The following AFM variants were observed in gnomAD, a reference collection of about 807,000 sequenced individuals.
The protein encoded by AFM is alpha-Alb.
Under a neutral mutation model 68.7 loss-of-function variants are expected in AFM, and 82 were observed. That is an observed-to-expected ratio of 1.19 (90% confidence interval 1.00 to 1.43). The LOEUF is 1.43. Ranked by LOEUF, AFM falls within the 40% of genes most tolerant of loss-of-function variation. AFM has a pLI of 0.00. For synonymous variants in AFM, 250 were observed against 234.2 expected, an observed-to-expected ratio of 1.07 and a Z score of -0.61; for missense variants, 772 against 701.8, an observed-to-expected ratio of 1.10 and a Z score of -1.13.
intron 3 of AFM, among the ~76,000 whole-genome samples, chr4:73,485,044 T>C (rs924609869): frequency 1.3e-5 from 2 of 152,228 alleles, no homozygotes; most frequent in Non-Finnish European, 2.9e-5. Flanking sequence ...GCAGTATGTA[T>C]ACAGTATGCC....
intron 7 of AFM, among the ~76,000 whole-genome samples, 190 bp downstream of exon 7, chr4:73,488,949 T>G (rs553130160): frequency 1.7e-4 from 26 of 152,330 alleles, no homozygotes; most frequent in African/African-American, 6.3e-4. Flanking sequence ...ATACTTGGAA[T>G]TTTTAAAGAT....
intron 6 of AFM, among the ~76,000 whole-genome samples, chr4:73,488,100 T>TA (rs1266272953): frequency 6.6e-6 from 1 of 152,152 alleles, no homozygotes; most frequent in African/African-American, 2.4e-5. Flanking sequence ...ACCAGGGTTA[T>TA]AAAACCCACA....
At chr4:73,484,535 T>C in intron 3 of AFM, 145 bp downstream of exon 3, 1 of 765,246 alleles carries the variant, frequency 1.3e-6, no homozygotes, top group East Asian at 3.3e-5. Context: ...CTTTCTTTCT[T>C]TCCTTCTTTT....
chr4:73,500,070 C>T lies in AFM; in HGVS notation c.1489C>T (p.His497Tyr). The change falls in exon 12 of 15, where the codon CAC becomes TAC. Residue 497 changes from histidine (H) to tyrosine (Y), a missense_variant. His to Tyr is a moderately conservative substitution (Grantham distance 83, BLOSUM62 2). Coordinates refer to ENST00000226355, the MANE Select transcript of AFM (RefSeq NM_001133.2). ...TCGAACTATCAACCCTGCTGTGGACCACTGCTGTAAAACAAACTTTGCCTT... is the reference window on the plus strand; with the variant it reads ...TCGAACTATCAACCCTGCTGTGGACTACTGCTGTAAAACAAACTTTGCCTT... ...ENRTINPAVD[H>Y]CCKTNFAFRR... 6.2e-7 allele frequency: 1 copy of T among 1,613,990 alleles called. No homozygotes were observed. Among genetic ancestry groups the T allele is most frequent in the Non-Finnish European group, 8.5e-7 (1 of 1,179,946 alleles).
chr4:73,499,746 T>A (rs570681146), intron 11 of AFM, among the ~76,000 whole-genome samples: 1 of 152,282 alleles, frequency 6.6e-6, no homozygotes, highest in South Asian at 2.1e-4. Context: ...CTGTTTGCAA[T>A]TGAAAGTTTG....
chr4:73,496,330 T>C (rs1260601731), intron 9 of AFM, among the ~76,000 whole-genome samples: 1 of 152,198 alleles, frequency 6.6e-6, no homozygotes, highest in Non-Finnish European at 1.5e-5. Context: ...TTTCCTACTG[T>C]GTGTTTGACA....
intron 2 of AFM, 84 bp from the exon 3 acceptor site, chr4:73,484,174 G>C (rs1577971462): frequency 1.3e-6 from 2 of 1,495,136 alleles, no homozygotes; most frequent in Admixed American, 2.4e-5. Context: ...CCTGAGGCTA[G>C]TCAGGATGTT....
At chr4:73,498,861 T>C (rs1721333517) in intron 10 of AFM, among the ~76,000 whole-genome samples, 1 of 152,230 alleles carries the variant, frequency 6.6e-6, no homozygotes, top group Admixed American at 6.5e-5. Context: ...TACTTAAAGA[T>C]AACACGGGGA....
rs116344887 is a variant in AFM at position 73,491,491 on chromosome 4, T to C, written c.844-381T>C. ...CAAGAGAAGACCAGGATTATAGATATTATAGTAACATGTCTTTGGTGGCCT... is the reference window on the plus strand; with the variant it reads ...CAAGAGAAGACCAGGATTATAGATACTATAGTAACATGTCTTTGGTGGCCT... On this transcript the variant is annotated intron_variant, in intron 7 of 14. Transcript: ENST00000226355. Among the ~76,000 whole-genome samples the C allele has an allele frequency of 2.6e-3, 400 of 152,330 alleles. 2 individuals carry two copies. Among genetic ancestry groups the C allele is most frequent in the African/African-American group, 9.4e-3 (392 of 41,580 alleles).
At chr4:73,487,842 C>T (rs776832606) in intron 6 of AFM, 21 bp downstream of exon 6, 3 of 1,439,166 alleles carry the variant, frequency 2.1e-6, no homozygotes, top group Non-Finnish European at 2.9e-6. Context: ...TACTATATGT[C>T]TTGTCTCTGC....
intron 8 of AFM, among the ~76,000 whole-genome samples, chr4:73,494,471 C>T (rs1410280876): frequency 6.6e-6 from 1 of 151,974 alleles, no homozygotes; most frequent in Non-Finnish European, 1.5e-5. Context: ...GAAAAGAGTT[C>T]GCTTGGTAAA....
chr4:73,501,890 G>A lies in AFM; in HGVS notation c.1750G>A (p.Glu584Lys). 6.2e-7 allele frequency: 1 copy of A among 1,613,476 alleles called. No homozygotes were observed. ...TGTAGTGGATAAGTGCTGCAAAGCA[G>A]AGAGTCCTGAAGTCTGCTTTAATGA... is the stretch of plus-strand genomic sequence containing the variant. ...ANVVDKCCKA[E>K]SPEVCFNEES... Residue 584 changes from glutamate (E) to lysine (K), a missense_variant, in exon 13 of 15, where the codon GAG (glutamate) becomes AAG (lysine). By Grantham distance (56) the Glu-to-Lys change is moderately conservative (BLOSUM62 1). Transcript: ENST00000226355.
Position 73,503,952 on chromosome 4 carries a change from C to T in AFM, c.*117C>T, listed in dbSNP as rs1407489142. 6.6e-6 allele frequency: 1 copy of T among 152,044 alleles called. No individual in the cohort carries two copies. Among genetic ancestry groups the T allele is most frequent in the Non-Finnish European group, 1.5e-5 (1 of 68,012 alleles). 9.4% of individuals were successfully genotyped at this position (152,044 alleles called of 1,614,324 possible). ...AAAAGGATTTTTCTGTAACTGTCAC[C>T]TGAAATAATACATTGCAGCAAGCAA... On this transcript the variant is annotated 3_prime_UTR_variant, in exon 15 of 15. Coordinates refer to ENST00000226355, the MANE Select transcript of AFM (RefSeq NM_001133.2).
chr4:73,501,688 G>A, intron 12 of AFM, 99 bp from the exon 13 acceptor site: 2 of 1,353,472 alleles, frequency 1.5e-6, no homozygotes, highest in Non-Finnish European at 2.0e-6. Flanking sequence ...CCACACCCAA[G>A]CTGAGACTCA....
Position 73,496,483 on chromosome 4 carries a change from A to C in AFM, c.1191+1051A>C, listed in dbSNP as rs563830550. Among the ~76,000 whole-genome samples the C allele has an allele frequency of 2.6e-5, 4 of 152,276 alleles. No homozygotes were observed. The South Asian group carries it at 6.2e-4, about 24-fold the overall frequency. On this transcript the variant is annotated intron_variant, in intron 9 of 14. Transcript: ENST00000226355. ...AAAATTATTGGATCAAAATATATGA[A>C]CTTTAAAAAACATTTAACACAAATT... is the stretch of plus-strand genomic sequence containing the variant.
chr4:73,499,268 G>T, intron 11 of AFM, 22 bp downstream of exon 11: 1 of 1,497,722 alleles, frequency 6.7e-7, no homozygotes, highest in Non-Finnish European at 8.9e-7. Context: ...CTGTGTACCA[G>T]ACTACTCTTT....
rs1720886804 is a variant in AFM, at chr4:73,485,884, T to C, written c.293T>C (p.Ile98Thr). ...TAGAATAATGTTTTACAGGAAAAAA[T>C]ATGTGCTATGGAGGGGCTGCCACAA... ...KLPNNVLQEK[I>T]CAMEGLPQKH... is the part of the protein sequence containing the mutation. The change falls in exon 4 of 15, where the codon ATA becomes ACA. Residue 98 changes from isoleucine (I) to threonine (T), a missense_variant. Ile to Thr is a moderately conservative substitution (Grantham distance 89). Transcript: ENST00000226355. 6.2e-7 allele frequency: 1 copy of C among 1,613,852 alleles called. No individual in the cohort carries two copies. Among genetic ancestry groups the C allele is most frequent in the East Asian group, 2.2e-5 (1 of 44,870 alleles).
intron 8 of AFM, 163 bp from the exon 9 acceptor site, chr4:73,495,137 T>C (rs1236737999): frequency 1.7e-5 from 9 of 528,586 alleles, no homozygotes; most frequent in Non-Finnish European, 2.8e-5. Flanking sequence ...TAAAATGATC[T>C]ATAGCCAAAA....
At chr4:73,491,794 G>C in intron 7 of AFM, 78 bp from the exon 8 acceptor site, 1 of 1,192,712 alleles carries the variant, frequency 8.4e-7, no homozygotes, top group Non-Finnish European at 1.2e-6. Flanking sequence ...ATCATGACTG[G>C]TTTTGCATGC....
Sources: allele counts gnomAD v4.1 joint callset (sites outside exome capture counted in the v4.1 genomes callset), GRCh38; gene constraint gnomAD v4.1.1; transcripts MANE v1.5; gene names NCBI Gene and HGNC (gene_info 2026-07-23, HGNC 2026-07-21).